The following PLXDC1 variants were observed in gnomAD, a reference collection of about 807,000 sequenced individuals.
The protein encoded by PLXDC1 is plexin domain containing 1.
In PLXDC1, 39 loss-of-function variants were observed where a neutral mutation model predicts 61.3. The ratio of observed to expected loss-of-function variants is 0.64; its 90% CI spans 0.49 to 0.83. The LOEUF is 0.83. Ranked by LOEUF, PLXDC1 falls within the 40% of genes least tolerant of loss-of-function variation. The probability of loss-of-function intolerance (pLI) is 0.00; values close to 1 mark genes in which losing one functional copy is unlikely to be tolerated. For missense variants in PLXDC1, 596 were observed against 666.5 expected (o/e 0.89, Z 1.17); for synonymous variants, 212 against 254.5 (o/e 0.83, Z 1.59).
intron 12 of PLXDC1, chr17:39,070,225 A>G: frequency 2.2e-6 from 1 of 459,490 alleles, no homozygotes; most frequent in Admixed American, 3.7e-5. Context: ...GTTTTCCAAA[A>G]TCATGTAAAA....
At chr17:39,134,718 C>T (rs1449588336) in intron 2 of PLXDC1, among the ~76,000 whole-genome samples, 1 of 151,934 alleles carries the variant, frequency 6.6e-6, no homozygotes, top group African/African-American at 2.4e-5. Flanking sequence ...AGGCTAAATA[C>T]CCCAAACGCC....
chr17:39,088,552 T>A (rs1909827016), intron 7 of PLXDC1, among the ~76,000 whole-genome samples: 2 of 152,172 alleles, frequency 1.3e-5, no homozygotes, highest in Admixed American at 1.3e-4. Context: ...GCTTCTTTTT[T>A]AAAATGACAA....
At chr17:39,137,339 G>A (rs1911786829) in intron 2 of PLXDC1, 1 of 152,232 alleles carries the variant, frequency 6.6e-6, no homozygotes, top group African/African-American at 2.4e-5. Flanking sequence ...CAAATCACTT[G>A]AAGTCAGGAG....
intron 7 of PLXDC1, among the ~76,000 whole-genome samples, chr17:39,090,006 C>T (rs915161382): frequency 4.6e-5 from 7 of 152,058 alleles, no homozygotes; most frequent in Admixed American, 2.0e-4. Context: ...ACCATATTGG[C>T]CAGGCTGGTC....
At chr17:39,119,651 A>G (rs1911096787) in intron 2 of PLXDC1, among the ~76,000 whole-genome samples, 1 of 152,130 alleles carries the variant, frequency 6.6e-6, no homozygotes, top group Non-Finnish European at 1.5e-5. Context: ...AGTCTGAGGC[A>G]GGAGAATCGT....
chr17:39,145,843 A>C (rs2045338032), intron 1 of PLXDC1, among the ~76,000 whole-genome samples: 1 of 152,062 alleles, frequency 6.6e-6, no homozygotes, highest in South Asian at 2.1e-4. Flanking sequence ...ACTCTCTAAG[A>C]CTCAGTTTCC....
intron 2 of PLXDC1, among the ~76,000 whole-genome samples, chr17:39,112,784 G>A (rs1241700407): frequency 6.6e-6 from 1 of 152,126 alleles, no homozygotes; most frequent in Non-Finnish European, 1.5e-5. Flanking sequence ...GCTTTGCAAT[G>A]TGTTAAAATT....
At chr17:39,118,956 C>T (rs1911076609) in intron 2 of PLXDC1, among the ~76,000 whole-genome samples, 1 of 152,216 alleles carries the variant, frequency 6.6e-6, no homozygotes, top group Non-Finnish European at 1.5e-5. Flanking sequence ...CCGAAACCAT[C>T]CTGAGCTGTC....
At chr17:39,104,063 G>T (rs1044430900) in intron 7 of PLXDC1, among the ~76,000 whole-genome samples, 1 of 152,094 alleles carries the variant, frequency 6.6e-6, no homozygotes, top group African/African-American at 2.4e-5. Context: ...TGCACTGTTC[G>T]CTACAGAACA....
At chr17:39,093,206 C>T (rs1045077315) in intron 7 of PLXDC1, among the ~76,000 whole-genome samples, 1 of 152,112 alleles carries the variant, frequency 6.6e-6, no homozygotes. Flanking sequence ...CCAGCTCCAC[C>T]TCCCCCACCA....
In PLXDC1 at chr17:39,067,205, G is replaced by A. The variant is rs13755; in HGVS notation, c.*635C>T. The A allele has an allele frequency of 0.47, 70,709 of 152,016 alleles. 16,857 individuals are homozygous for A. The highest frequency in any genetic ancestry group is 0.52 in the Middle Eastern group (152 of 294). The allele number at this position is 152,016 out of a possible 1,614,324, so 9.4% of individuals were successfully genotyped here. On this transcript the variant is annotated 3_prime_UTR_variant, in exon 14 of 14. Transcript: ENST00000315392. Reference sequence around the variant, plus strand: ...TGGTGGACTAATGTCCTAAAGAACCGTCTTAAAATTATGCGGGCTTTGCCT... The same window carrying A: ...TGGTGGACTAATGTCCTAAAGAACCATCTTAAAATTATGCGGGCTTTGCCT...
intron 6 of PLXDC1, 81 bp downstream of exon 6, chr17:39,107,326 G>A: frequency 2.4e-6 from 2 of 835,784 alleles, no homozygotes; most frequent in African/African-American, 1.7e-5. Context: ...CCCATGCCTG[G>A]CACATTGCAA....
At chr17:39,109,817 C>G (rs1379234074) in intron 2 of PLXDC1, among the ~76,000 whole-genome samples, 1 of 152,198 alleles carries the variant, frequency 6.6e-6, no homozygotes, top group Non-Finnish European at 1.5e-5. Context: ...AGTCATAGTC[C>G]CTGCCCTGGA....
Position 39,069,949 on chromosome 17 carries a change from G to A in PLXDC1, c.1290C>T (p.Ile430=). The change falls in exon 13 of 14, where the codon ATC becomes ATT. Residue 430 remains isoleucine, a synonymous_variant. Coordinates refer to ENST00000315392, the MANE Select transcript of PLXDC1 (RefSeq NM_020405.5). ...TPVHLGTIVG[I]VLAVLLVAAI... is the part of the protein sequence containing the mutation. Reference sequence around the variant, plus strand: ...CCGCCACGAGGAGGACTGCCAGCACGATGCCCACGATGGTGCCCAGGTGCA... The same window carrying A: ...CCGCCACGAGGAGGACTGCCAGCACAATGCCCACGATGGTGCCCAGGTGCA... 2.5e-6 allele frequency: 4 copies of A among 1,613,290 alleles called. No homozygotes were observed. Among genetic ancestry groups the A allele is most frequent in the South Asian group, 2.2e-5 (2 of 91,062 alleles).
intron 2 of PLXDC1, among the ~76,000 whole-genome samples, chr17:39,119,522 A>G (rs1911091809): frequency 6.6e-6 from 1 of 152,162 alleles, no homozygotes; most frequent in African/African-American, 2.4e-5. Context: ...AGGTGGGTGG[A>G]TCACTTGAGC....
chr17:39,098,118 T>C (rs1910285368), intron 7 of PLXDC1, among the ~76,000 whole-genome samples: 1 of 148,798 alleles, frequency 6.7e-6, no homozygotes, highest in African/African-American at 2.5e-5. Context: ...GGCAGGAGAA[T>C]TGCTTGAACC....
intron 7 of PLXDC1, among the ~76,000 whole-genome samples, chr17:39,102,742 TCA>T (rs59032632): frequency 0.27 from 38,060 of 141,874 alleles, 5,265 homozygotes; most frequent in African/African-American, 0.31. Context: ...ACACACACAC[TCA>T]CTCACCTGAA....
Position 39,067,794 on chromosome 17 carries a change from G to C in PLXDC1, c.*46C>G, listed in dbSNP as rs757653612. The C allele has an allele frequency of 1.1e-5, 18 of 1,574,376 alleles. No individual in the cohort carries two copies. The highest frequency in any genetic ancestry group is 1.8e-5 in the Admixed American group (1 of 56,852). On this transcript the variant is annotated 3_prime_UTR_variant, in exon 14 of 14. Transcript: ENST00000315392. ...GTCACTTCTCTTCTTTGCTTTAACT[G>C]TCTTTTCTGTGGCCTCAAAGTCTTC... is the stretch of plus-strand genomic sequence containing the variant.
At chr17:39,081,840 G>A (rs534220805) in intron 9 of PLXDC1, among the ~76,000 whole-genome samples, 9 of 152,058 alleles carry the variant, frequency 5.9e-5, no homozygotes, top group African/African-American at 1.9e-4. Flanking sequence ...CTACAGGGGG[G>A]ACTGAGGCAG....
Sources: allele counts gnomAD v4.1 joint callset (sites outside exome capture counted in the v4.1 genomes callset), GRCh38; gene constraint gnomAD v4.1.1; transcripts MANE v1.5; gene names NCBI Gene and HGNC (gene_info 2026-07-23, HGNC 2026-07-21).